The following PAK3 variants were observed in gnomAD, a reference collection of about 807,000 sequenced individuals.
PAK3 encodes p21 (RAC1) activated kinase 3.
Under a neutral mutation model 41.0 loss-of-function variants are expected in PAK3, and 4 were observed. The ratio of observed to expected loss-of-function variants is 0.10; its 90% confidence interval spans 0.05 to 0.22. The LOEUF is 0.22. Among genes scored for constraint, PAK3 ranks in the 10% least tolerant of loss-of-function variants. The pLI is 1.00. For missense variants in PAK3, 205 were observed against 409.9 expected, an observed-to-expected ratio of 0.50 and a Z score of 4.32; for synonymous variants, 146 against 139.6, an observed-to-expected ratio of 1.05 and a Z score of -0.32.
rs761963656 is a variant in PAK3 at position 111,002,843 on chromosome X, G to A, written c.-28+58215G>A. 2.1e-3 allele frequency among the ~76,000 whole-genome samples: 232 copies of A among 111,316 alleles called. 1 individual carries two copies. The highest frequency in any genetic ancestry group is 3.7e-3 in the Non-Finnish European group (197 of 53,068). ...ATTAGCCCCTCGCATTCAGTGGGCA[G>A]CAGTCAGAAAGAAGGCATCTCCTTT... On this transcript the variant is annotated intron_variant, in intron 1 of 14. Coordinates refer to the PAK3 transcript ENST00000425146.
intron 1 of PAK3, among the ~76,000 whole-genome samples, chrX:111,079,176 C>T (rs944850198): frequency 4.5e-5 from 5 of 111,960 alleles, no homozygotes; most frequent in African/African-American, 1.6e-4. Context: ...GATGGCTACA[C>T]TAAACAATGA....
intron 1 of PAK3, among the ~76,000 whole-genome samples, chrX:111,036,939 G>C (rs2092405272): frequency 9.0e-6 from 1 of 111,418 alleles, no homozygotes; most frequent in Non-Finnish European, 1.9e-5. Context: ...TAGAGTCTTA[G>C]GTTTTGTTTG....
At chrX:111,096,689 G>A (rs2148868900) in intron 1 of PAK3, 1 of 110,535 alleles carries the variant, frequency 9.0e-6, no homozygotes, top group South Asian at 3.9e-4. Context: ...TCGTTTACTG[G>A]GGCCTGGGCC....
chrX:111,146,580 C>T (rs369080029), intron 6 of PAK3: 6 of 1,059,520 alleles, frequency 5.7e-6, no homozygotes, highest in Non-Finnish European at 7.7e-6. Context: ...GTCACAGGCC[C>T]AAAAGAAGCT....
intron 1 of PAK3, among the ~76,000 whole-genome samples, chrX:111,007,958 G>A (rs745625981): frequency 1.4e-4 from 16 of 111,439 alleles, no homozygotes; most frequent in Non-Finnish European, 2.8e-4. Context: ...GTGTGAACTC[G>A]GGCAAGTTAC....
intron 1 of PAK3, among the ~76,000 whole-genome samples, chrX:110,973,224 A>G (rs1271186886): frequency 2.7e-5 from 3 of 111,409 alleles, no homozygotes; most frequent in South Asian, 3.8e-4. Context: ...CATCACAAAG[A>G]TACTCCTAGA....
intron 12 of PAK3, 113 bp downstream of exon 12, chrX:111,192,288 A>T: frequency 1.7e-6 from 1 of 576,902 alleles, no homozygotes; most frequent in Non-Finnish European, 3.0e-6. Context: ...GGGTTGACAT[A>T]GGTGTTTACT....
At chrX:110,960,833 T>A (rs2090963823) in intron 1 of PAK3, among the ~76,000 whole-genome samples, 1 of 111,458 alleles carries the variant, frequency 9.0e-6, no homozygotes, top group Admixed American at 9.5e-5. Flanking sequence ...AGAGCTTATA[T>A]ATCCAGCTCC....
chrX:110,949,324 A>C (rs972788904), intron 1 of PAK3, among the ~76,000 whole-genome samples: 1 of 111,470 alleles, frequency 9.0e-6, no homozygotes, highest in African/African-American at 3.3e-5. Flanking sequence ...TCACCAAGCC[A>C]AGCACCCAGT....
chrX:110,962,910 C>A (rs1042137021), intron 1 of PAK3, among the ~76,000 whole-genome samples: 2 of 110,962 alleles, frequency 1.8e-5, no homozygotes, highest in Admixed American at 1.9e-4. Flanking sequence ...CTTTATCCCC[C>A]CTAGATGTAT....
intron 1 of PAK3, among the ~76,000 whole-genome samples, chrX:111,034,961 C>T (rs1305699810): frequency 9.3e-6 from 1 of 107,801 alleles, no homozygotes; most frequent in Admixed American, 1.0e-4. Flanking sequence ...CAAAAATTAA[C>T]TAGGCATCAT....
chrX:111,157,566 G>A (rs1324235410), intron 8 of PAK3, among the ~76,000 whole-genome samples: 1 of 110,791 alleles, frequency 9.0e-6, no homozygotes, highest in African/African-American at 3.3e-5. Flanking sequence ...TGAGGCGGGC[G>A]GATCACCTGA....
rs182015792 is a variant in PAK3 at position 110,949,352 on chromosome X, G to A, written c.-28+4724G>A. Among the ~76,000 whole-genome samples the A allele has an allele frequency of 1.4e-3, 156 of 111,702 alleles. 1 individual carries two copies. Among genetic ancestry groups the A allele is most frequent in the Non-Finnish European group, 2.1e-3 (110 of 53,123 alleles). On this transcript the variant is annotated intron_variant, in intron 1 of 14. Coordinates refer to the PAK3 transcript ENST00000425146. ...CACCCAGTTGGTAACCTGAGGACTA[G>A]ATATTCTACCTGAGATTCATGGTGG... is the stretch of plus-strand genomic sequence containing the variant.
intron 5 of PAK3, among the ~76,000 whole-genome samples, chrX:111,140,971 A>G (rs974505766): frequency 8.9e-6 from 1 of 112,327 alleles, no homozygotes; most frequent in South Asian, 3.7e-4. Flanking sequence ...GGCAACATCT[A>G]TTTGAACCAG....
At chrX:110,953,810 C>T (rs991679116) in intron 1 of PAK3, among the ~76,000 whole-genome samples, 11 of 111,443 alleles carry the variant, frequency 9.9e-5, no homozygotes, top group Non-Finnish European at 1.7e-4. Context: ...TTAAGAAGAG[C>T]GAGTTTGGAC....
chrX:111,163,633 T>C lies in PAK3; in HGVS notation c.672T>C (p.Ser224=). 1 of 1,191,806 alleles carries C rather than the reference T, an allele frequency of 8.4e-7. No individual in the cohort carries two copies. The highest frequency in any genetic ancestry group is 1.1e-6 in the Non-Finnish European group (1 of 877,405). The change falls in exon 10 of 18, where the codon TCT becomes TCC. Residue 224 remains serine, a synonymous_variant. Transcript: ENST00000372007. ...CAAATAAAGAGGTCACACCACCCTCTGCTGAAAATGCCAATTCCAGTACTT... is the reference window on the plus strand; with the variant it reads ...CAAATAAAGAGGTCACACCACCCTCCGCTGAAAATGCCAATTCCAGTACTT... The part of the protein sequence containing the change: ...AVPNKEVTPP[S]AENANSSTLY...
In PAK3 at chrX:111,224,647, C is replaced by CT. The variant is rs1370789474; in HGVS notation, c.*4206dup. 8.9e-6 allele frequency: 1 copy of CT among 112,212 alleles called. No homozygotes were observed. Among genetic ancestry groups the CT allele is most frequent in the Non-Finnish European group, 1.9e-5 (1 of 53,261 alleles). The allele number at this position is 112,212 out of a possible 1,213,427, so 9.2% of individuals were successfully genotyped here. A position where few individuals can be genotyped will look rare whatever the true frequency, so the allele number is the denominator to read the frequency against. ...TTTGGCTTGGGATGGTCTCCATGTG[C>CT]TTTTTTCTGCCTATTTATAGGTTGT... On this transcript the variant is annotated 3_prime_UTR_variant, in exon 18 of 18. Coordinates refer to ENST00000372007, the MANE Select transcript of PAK3 (RefSeq NM_002578.5).
chrX:111,141,109 C>T (rs1214743190), intron 5 of PAK3, among the ~76,000 whole-genome samples: 1 of 111,129 alleles, frequency 9.0e-6, no homozygotes, highest in Non-Finnish European at 1.9e-5. Flanking sequence ...AATGCAGCCT[C>T]ACCAGAGATA....
At position 111,222,591 on chromosome X, in the gene PAK3, T is replaced by C. The variant is rs1283387052; in HGVS notation, c.*2144T>C. 1.8e-5 allele frequency: 2 copies of C among 112,243 alleles called. No homozygotes were observed. Among genetic ancestry groups the C allele is most frequent in the African/African-American group, 3.2e-5 (1 of 30,905 alleles). 9.3% of individuals were successfully genotyped at this position (112,243 alleles called of 1,213,427 possible). On this transcript the variant is annotated 3_prime_UTR_variant, in exon 18 of 18. Transcript: ENST00000372007. The stretch of plus-strand genomic sequence containing the variant: ...CCTTAATTTTGATTTCATTTAAAAA[T>C]AAGTACTTTAAAAAATTTTTCACTC...
Sources: gnomAD v4.1 joint callset for allele counts (sites outside exome capture counted in the v4.1 genomes callset) on GRCh38, gnomAD v4.1.1 for gene constraint, MANE v1.5 for transcripts, NCBI Gene and HGNC (gene_info 2026-07-23, HGNC 2026-07-21) for gene names.